Variants in EPB41L2 observed in about 807,000 individuals in gnomAD.
The protein encoded by EPB41L2 is erythrocyte membrane protein band 4.1 like 2, also known as band 4.1-like protein 2.
In EPB41L2, 43 loss-of-function variants were observed where a neutral mutation model predicts 113.0. The ratio of observed to expected loss-of-function variants is 0.38; its 90% CI spans 0.30 to 0.49. EPB41L2 has a LOEUF of 0.49. EPB41L2 is among the 20% of genes least tolerant of loss of function. The probability of loss-of-function intolerance (pLI) is 0.95; values close to 1 mark genes in which losing one functional copy is unlikely to be tolerated. For missense variants in EPB41L2, 1,147 were observed against 1,223.4 expected, an observed-to-expected ratio of 0.94 and a Z score of 0.93; for synonymous variants, 442 against 436.7, an observed-to-expected ratio of 1.01 and a Z score of -0.15.
chr6:130,962,332 G>A (rs1051499464), intron 1 of EPB41L2, among the ~76,000 whole-genome samples: 17 of 152,160 alleles, frequency 1.1e-4, no homozygotes, highest in Non-Finnish European at 2.4e-4. Flanking sequence ...GAAATATCTG[G>A]AGAGGAAGAA....
intron 1 of EPB41L2, among the ~76,000 whole-genome samples, chr6:130,968,075 A>T (rs1178461002): frequency 2.0e-5 from 3 of 151,216 alleles, no homozygotes; most frequent in Non-Finnish European, 4.4e-5. Context: ...GCCCCATCAT[A>T]AAACTCGTGC....
intron 3 of EPB41L2, among the ~76,000 whole-genome samples, chr6:130,951,417 T>C (rs866238354): frequency 7.0e-6 from 1 of 141,916 alleles, no homozygotes; most frequent in South Asian, 2.4e-4. Flanking sequence ...CTCTGCCCCA[T>C]GGAGTCAAGT....
chr6:130,891,431 AC>A (rs1268922356), intron 10 of EPB41L2, among the ~76,000 whole-genome samples: 1,703 of 53,382 alleles, frequency 0.032, 40 homozygotes, highest in African/African-American at 0.06. Context: ...TTATTTATTT[AC>A]TTACTTACTT....
chr6:130,954,708 AAATT>A (rs1334889521), intron 3 of EPB41L2, among the ~76,000 whole-genome samples: 1 of 152,214 alleles, frequency 6.6e-6, no homozygotes, highest in African/African-American at 2.4e-5. Context: ...GAAAGTAAAT[AAATT>A]AGATGTTAAG....
At chr6:131,004,078 C>T (rs563572089) in intron 1 of EPB41L2, among the ~76,000 whole-genome samples, 1 of 152,314 alleles carries the variant, frequency 6.6e-6, no homozygotes, top group East Asian at 1.9e-4. Flanking sequence ...AGCTCTAAAC[C>T]TTTATTTAAT....
intron 19 of EPB41L2, among the ~76,000 whole-genome samples, chr6:130,848,199 T>TCTCTCTCA (rs376078462): frequency 1.1e-4 from 12 of 113,406 alleles, no homozygotes. Flanking sequence ...TCTCTCTCTC[T>TCTCTCTCA]CACACACACA....
chr6:130,914,547 T>A (rs910146219), intron 4 of EPB41L2, among the ~76,000 whole-genome samples: 2 of 152,142 alleles, frequency 1.3e-5, no homozygotes, highest in African/African-American at 4.8e-5. Context: ...GCAAATTTTT[T>A]AAAAGACAGC....
intron 4 of EPB41L2, among the ~76,000 whole-genome samples, chr6:130,918,110 C>G (rs1370423692): frequency 6.6e-6 from 1 of 152,170 alleles, no homozygotes; most frequent in Non-Finnish European, 1.5e-5. Context: ...GTGAAACATT[C>G]ACTACACATC....
At chr6:130,861,306 T>C (rs1275497180) in intron 18 of EPB41L2, among the ~76,000 whole-genome samples, 1 of 151,962 alleles carries the variant, frequency 6.6e-6, no homozygotes, top group Non-Finnish European at 1.5e-5. Context: ...TCTCCTGACC[T>C]CGTGATCTGC....
intron 19 of EPB41L2, among the ~76,000 whole-genome samples, chr6:130,842,411 C>CAGTT (rs1228353996): frequency 6.6e-6 from 1 of 152,136 alleles, no homozygotes; most frequent in African/African-American, 2.4e-5. Flanking sequence ...TTGGATTTGG[C>CAGTT]AGTTATATGA....
chr6:131,041,368 G>C (rs2128184007), intron 1 of EPB41L2, among the ~76,000 whole-genome samples: 1 of 152,264 alleles, frequency 6.6e-6, no homozygotes, highest in East Asian at 1.9e-4. Flanking sequence ...AGGCAAAAAA[G>C]CTTAATGGGA....
intron 1 of EPB41L2, among the ~76,000 whole-genome samples, chr6:130,993,260 C>T (rs1382118246): frequency 2.0e-5 from 3 of 152,058 alleles, no homozygotes. Flanking sequence ...CATTATTGGA[C>T]CCAGAAATGA....
intron 3 of EPB41L2, among the ~76,000 whole-genome samples, chr6:130,944,172 T>TACACACACACACACAC (rs869217556): frequency 4.8e-5 from 6 of 125,536 alleles, no homozygotes; most frequent in South Asian, 2.6e-4. Context: ...TACACACACA[T>TACACACACACACACAC]ACACACACAC....
intron 1 of EPB41L2, among the ~76,000 whole-genome samples, chr6:130,993,534 A>AG (rs1482407804): frequency 1.3e-5 from 2 of 152,176 alleles, no homozygotes; most frequent in African/African-American, 4.8e-5. Context: ...AGGATGGGGC[A>AG]GGGGTTTTAT....
chr6:131,024,369 C>T (rs1790348340), intron 1 of EPB41L2, among the ~76,000 whole-genome samples: 3 of 152,038 alleles, frequency 2.0e-5, no homozygotes, highest in Admixed American at 2.0e-4. Flanking sequence ...GAGGTGTGTT[C>T]AGTATAAGGG....
intron 1 of EPB41L2, among the ~76,000 whole-genome samples, chr6:131,010,112 A>T (rs1562724855): frequency 6.6e-6 from 1 of 152,244 alleles, no homozygotes; most frequent in East Asian, 1.9e-4. Flanking sequence ...ATGTAATTCA[A>T]CAAAAACAAA....
chr6:130,891,877 T>C (rs1225052206), intron 10 of EPB41L2, among the ~76,000 whole-genome samples: 1 of 152,234 alleles, frequency 6.6e-6, no homozygotes, highest in East Asian at 1.9e-4. Context: ...AGAAATCATT[T>C]GTACCTTTCA....
At chr6:131,057,624 GA>G (rs1424975005) in intron 1 of EPB41L2, among the ~76,000 whole-genome samples, 1 of 152,184 alleles carries the variant, frequency 6.6e-6, no homozygotes, top group Non-Finnish European at 1.5e-5. Context: ...CAAGGGCTTG[GA>G]AAAGGTGACT....
Position 131,059,114 on chromosome 6 carries a change from C to CTTTT in EPB41L2, c.-15+4037_-15+4040dup, listed in dbSNP as rs1554361720. Among the ~76,000 whole-genome samples, 11 of 131,366 alleles carry CTTTT rather than the reference C, an allele frequency of 8.4e-5. 2 individuals are homozygous for CTTTT. The highest frequency in any genetic ancestry group is 2.4e-4 in the Admixed American group (3 of 12,670). 86.2% of individuals were successfully genotyped at this position (131,366 alleles called of 152,430 possible). On this transcript the variant is annotated intron_variant, in intron 1 of 19. Coordinates refer to ENST00000337057, the MANE Select transcript of EPB41L2 (RefSeq NM_001431.4). ...TCTTTCCTTCTTGGCTTACCTATAA[C>CTTTT]TTTTTTTTTTTTTTTTTTGAGATGG...
Sources: gnomAD v4.1 joint callset for allele counts (sites outside exome capture counted in the v4.1 genomes callset) on GRCh38, gnomAD v4.1.1 for gene constraint, MANE v1.5 for transcripts, NCBI Gene and HGNC (gene_info 2026-07-23, HGNC 2026-07-21) for gene names.